STK24: variants seen among roughly 807,000 people sequenced by gnomAD.
STK24 encodes serine/threonine-protein kinase 24.
STK24 carries 21 observed loss-of-function variants against 55.6 expected under a neutral mutation model. The ratio of observed to expected loss-of-function variants is 0.38; its 90% CI spans 0.27 to 0.54. The LOEUF (loss-of-function observed/expected upper bound fraction) is 0.54. Among genes scored for constraint, STK24 ranks in the 20% least tolerant of loss-of-function variants. The pLI is 0.79. For synonymous variants in STK24, 200 were observed against 215.2 expected, an observed-to-expected ratio of 0.93 and a Z score of 0.62; for missense variants, 383 against 538.4, an observed-to-expected ratio of 0.71 and a Z score of 2.86.
intron 2 of STK24, among the ~76,000 whole-genome samples, chr13:98,511,648 T>C (rs1318870024): frequency 6.6e-6 from 1 of 152,138 alleles, no homozygotes; most frequent in Admixed American, 6.5e-5. Flanking sequence ...CACGGAAGGA[T>C]TCCTCAGGCA....
intron 1 of STK24, among the ~76,000 whole-genome samples, chr13:98,562,343 T>C (rs1436590878): frequency 6.6e-6 from 1 of 152,160 alleles, no homozygotes; most frequent in East Asian, 1.9e-4. Context: ...GATTCTTTTA[T>C]AGACCATGTA....
Position 98,463,744 on chromosome 13 carries a change from C to T in STK24, c.876G>A (p.Lys292=). 1 of 1,614,224 alleles carries T rather than the reference C, an allele frequency of 6.2e-7. No individual in the cohort carries two copies. The highest frequency in any genetic ancestry group is 8.5e-7 in the Non-Finnish European group (1 of 1,180,040). Residue 292 remains lysine, a synonymous_variant, in exon 7 of 11, where the codon AAG becomes AAA. Coordinates refer to ENST00000539966, the MANE Select transcript of STK24 (RefSeq NM_001032296.4). ...CATGGCTCTGCTCGGCCTTCCATCT[C>T]TTGTACCTGTCGATGAGCTCGGTCA... The part of the protein sequence containing the change: ...SYLTELIDRY[K]RWKAEQSHDD...
chr13:98,464,426 A>T (rs964923124), intron 6 of STK24, among the ~76,000 whole-genome samples: 1 of 151,900 alleles, frequency 6.6e-6, no homozygotes, highest in African/African-American at 2.4e-5. Context: ...CTCAAAAAAA[A>T]GCTTATCTCC....
At chr13:98,523,084 G>A (rs559327647) in intron 1 of STK24, among the ~76,000 whole-genome samples, 21 of 152,306 alleles carry the variant, frequency 1.4e-4, no homozygotes, top group African/African-American at 4.1e-4. Context: ...TCAGTCAACC[G>A]GGGGTGGGCC....
At chr13:98,495,625 C>T (rs1895223911) in intron 2 of STK24, among the ~76,000 whole-genome samples, 1 of 152,198 alleles carries the variant, frequency 6.6e-6, no homozygotes, top group South Asian at 2.1e-4. Context: ...TGCCAAATGT[C>T]TTCGGGGGCT....
At chr13:98,484,039 C>G (rs1894707480) in intron 2 of STK24, among the ~76,000 whole-genome samples, 1 of 152,198 alleles carries the variant, frequency 6.6e-6, no homozygotes, top group African/African-American at 2.4e-5. Flanking sequence ...GTCTGACACC[C>G]AACTCAGAGG....
At chr13:98,458,427 A>G (rs970452202) in intron 9 of STK24, among the ~76,000 whole-genome samples, 1 of 152,184 alleles carries the variant, frequency 6.6e-6, no homozygotes, top group African/African-American at 2.4e-5. Flanking sequence ...GCCCTGCCCT[A>G]AGAGCAACGG....
At chr13:98,540,964 T>C (rs1253937334) in intron 1 of STK24, among the ~76,000 whole-genome samples, 1 of 152,042 alleles carries the variant, frequency 6.6e-6, no homozygotes, top group Non-Finnish European at 1.5e-5. Context: ...GACAAGGTTA[T>C]TGGGCATCTG....
intron 1 of STK24, among the ~76,000 whole-genome samples, chr13:98,540,413 T>C (rs1315169700): frequency 2.0e-5 from 3 of 152,216 alleles, no homozygotes; most frequent in Non-Finnish European, 4.4e-5. Flanking sequence ...TTTAGACTTC[T>C]GTCTCTCACA....
intron 1 of STK24, among the ~76,000 whole-genome samples, chr13:98,570,777 A>T (rs560827009): frequency 6.6e-6 from 1 of 152,236 alleles, no homozygotes; most frequent in South Asian, 2.1e-4. Flanking sequence ...AGTCACCCTC[A>T]GGAGGCAGGT....
At position 98,577,000 on chromosome 13, in the gene STK24, G is replaced by A. The variant is rs892920096; in HGVS notation, c.-214C>T. 1.3e-5 allele frequency: 2 copies of A among 149,814 alleles called. No homozygotes were observed. The highest frequency in any genetic ancestry group is 4.9e-5 in the African/African-American group (2 of 40,786). The allele number at this position is 149,814 out of a possible 1,614,324, so 9.3% of individuals were successfully genotyped here. A position where few individuals can be genotyped will look rare whatever the true frequency, so the allele number is the denominator to read the frequency against. ...TGCACGGCGCCAGGGAGGAGCTGCT[G>A]GGGGCGCAGGGCCTCGCGCGCACTG... On this transcript the variant is annotated 5_prime_UTR_variant, in exon 1 of 11. Coordinates refer to ENST00000539966, the MANE Select transcript of STK24 (RefSeq NM_001032296.4).
intron 2 of STK24, among the ~76,000 whole-genome samples, chr13:98,501,010 G>A (rs1211441394): frequency 4.0e-5 from 2 of 50,270 alleles, no homozygotes; most frequent in African/African-American, 8.6e-5. Flanking sequence ...TCAAGTTACT[G>A]TTTAAAACTT....
At chr13:98,516,479 C>T (rs1302435672) in intron 2 of STK24, among the ~76,000 whole-genome samples, 1 of 152,256 alleles carries the variant, frequency 6.6e-6, no homozygotes, top group African/African-American at 2.4e-5. Context: ...ACTGTGCACA[C>T]AGCCTGTGTC....
At position 98,530,564 on chromosome 13, in the gene STK24, C is replaced by T. The variant is rs141753342; in HGVS notation, c.43-11091G>A. 7.6e-3 allele frequency among the ~76,000 whole-genome samples: 1,155 copies of T among 152,232 alleles called. 11 individuals carry two copies. The highest frequency in any genetic ancestry group is 0.015 in the Admixed American group (225 of 15,298). ...GCCTGAACAGGAACCTATGGCCATC[C>T]GACTCCAAACACTGAGCAGGTCCAT... On this transcript the variant is annotated intron_variant, in intron 1 of 10. Coordinates refer to ENST00000539966, the MANE Select transcript of STK24 (RefSeq NM_001032296.4).
intron 10 of STK24, chr13:98,456,887 G>A: frequency 1.9e-6 from 1 of 524,940 alleles, no homozygotes; most frequent in Non-Finnish European, 3.4e-6. Context: ...GCATAATTAA[G>A]AGGAAACAGG....
chr13:98,517,201 C>T (rs1896098195), intron 2 of STK24, among the ~76,000 whole-genome samples: 1 of 152,256 alleles, frequency 6.6e-6, no homozygotes, highest in Non-Finnish European at 1.5e-5. Context: ...AATACAACAT[C>T]AGCAAACCAC....
intron 2 of STK24, among the ~76,000 whole-genome samples, chr13:98,509,643 C>A (rs1402586732): frequency 6.6e-6 from 1 of 152,222 alleles, no homozygotes; most frequent in Non-Finnish European, 1.5e-5. Flanking sequence ...GACACGGTCT[C>A]CAGTTCTAGA....
chr13:98,522,951 G>A (rs1489074342), intron 1 of STK24, among the ~76,000 whole-genome samples: 2 of 152,216 alleles, frequency 1.3e-5, no homozygotes, highest in Admixed American at 1.3e-4. Context: ...GCCTTCCTGA[G>A]GTCAGGAGAG....
At position 98,450,853 on chromosome 13, in the gene STK24, T is replaced by A. The variant is rs747141547; in HGVS notation, c.*2320A>T. ...CTTGGCTAAGATGCCCTTAAAAACATTGGGGCTGATTTTGTGCGTCTACAG... is the reference window on the plus strand; with the variant it reads ...CTTGGCTAAGATGCCCTTAAAAACAATGGGGCTGATTTTGTGCGTCTACAG... On this transcript the variant is annotated 3_prime_UTR_variant, in exon 11 of 11. Transcript: ENST00000539966. The A allele has an allele frequency of 6.6e-6, 1 of 152,230 alleles. No homozygotes were observed. Among genetic ancestry groups the A allele is most frequent in the African/African-American group, 2.4e-5 (1 of 41,438 alleles). The allele number at this position is 152,230 out of a possible 1,614,324, so 9.4% of individuals were successfully genotyped here.
Sources: allele counts gnomAD v4.1 joint callset (sites outside exome capture counted in the v4.1 genomes callset), GRCh38; gene constraint gnomAD v4.1.1; transcripts MANE v1.5; gene names NCBI Gene and HGNC (gene_info 2026-07-23, HGNC 2026-07-21).